CLSTN1: variants seen among roughly 807,000 people sequenced by gnomAD.
The protein encoded by CLSTN1 is calsyntenin 1.
In CLSTN1, 28 loss-of-function variants were observed where a neutral mutation model predicts 108.3. The observed-to-expected ratio is 0.26, with a 90% CI of 0.19 to 0.35. The LOEUF (loss-of-function observed/expected upper bound fraction) is 0.35. Among genes scored for constraint, CLSTN1 ranks in the 10% least tolerant of loss-of-function variants. The pLI is 1.00. For synonymous variants in CLSTN1, 524 were observed against 534.9 expected, an observed-to-expected ratio of 0.98 and a Z score of 0.28; for missense variants, 1,157 against 1,302.6, an observed-to-expected ratio of 0.89 and a Z score of 1.72.
At chr1:9,788,355 G>C (rs1413496546) in intron 1 of CLSTN1, among the ~76,000 whole-genome samples, 1 of 151,384 alleles carries the variant, frequency 6.6e-6, no homozygotes, top group Non-Finnish European at 1.5e-5. Context: ...TGGATCACCT[G>C]AGGTTGGGAG....
chr1:9,809,763 C>T (rs970587985), intron 1 of CLSTN1, among the ~76,000 whole-genome samples: 1 of 151,188 alleles, frequency 6.6e-6, no homozygotes, highest in Non-Finnish European at 1.5e-5. Flanking sequence ...CAGCCGGGCG[C>T]GGTGGTGGGT....
chr1:9,744,765 T>C, intron 7 of CLSTN1, 122 bp from the exon 8 acceptor site: 2 of 1,249,210 alleles, frequency 1.6e-6, no homozygotes, highest in Non-Finnish European at 2.1e-6. Flanking sequence ...ACTTTTTTTT[T>C]TTCTTTCGAG....
At chr1:9,817,351 G>A (rs1371278158) in intron 1 of CLSTN1, among the ~76,000 whole-genome samples, 1 of 152,108 alleles carries the variant, frequency 6.6e-6, no homozygotes, top group African/African-American at 2.4e-5. Context: ...TTTTGAGACG[G>A]AGTTTTGCTC....
intron 1 of CLSTN1, among the ~76,000 whole-genome samples, chr1:9,796,588 G>A (rs1460747111): frequency 1.3e-5 from 2 of 151,222 alleles, no homozygotes; most frequent in African/African-American, 4.8e-5. Context: ...GGAGGCTGAG[G>A]CAGGAGAATG....
chr1:9,768,737 T>C (rs1182388832), intron 2 of CLSTN1, among the ~76,000 whole-genome samples: 1 of 81,864 alleles, frequency 1.2e-5, no homozygotes, highest in African/African-American at 4.9e-5. Flanking sequence ...TGGGGTTGTG[T>C]TGGGTGGCAT....
At chr1:9,774,041 C>A (rs1365934933) in intron 1 of CLSTN1, among the ~76,000 whole-genome samples, 1 of 151,990 alleles carries the variant, frequency 6.6e-6, no homozygotes, top group Non-Finnish European at 1.5e-5. Flanking sequence ...GGCACCTGGC[C>A]CCAGTATTAT....
chr1:9,784,924 TCA>T (rs998990139), intron 1 of CLSTN1, among the ~76,000 whole-genome samples: 4 of 152,088 alleles, frequency 2.6e-5, no homozygotes, highest in East Asian at 1.9e-4. Flanking sequence ...GGTAAAATAT[TCA>T]CAGTTTTAAA....
At chr1:9,758,346 C>T (rs1651916858) in intron 2 of CLSTN1, among the ~76,000 whole-genome samples, 1 of 150,986 alleles carries the variant, frequency 6.6e-6, no homozygotes, top group Non-Finnish European at 1.5e-5. Flanking sequence ...CAGAGTCTCA[C>T]TCTGTTGCCC....
chr1:9,823,659 C>T lies in CLSTN1; in HGVS notation c.75G>A (p.Gly25=). The change falls in exon 1 of 19, where the codon GGG becomes GGA. Residue 25 remains glycine, a synonymous_variant. Coordinates refer to ENST00000377298, the MANE Select transcript of CLSTN1 (RefSeq NM_001009566.3). The surrounding 1 kb of genome is among the most constrained non-coding windows in gnomAD (Gnocchi z 6.3). ...LLLAGLLCGG[G]VWAARVNKHK... is the part of the protein sequence containing the mutation. ...GGGGCTTACCTCGCGCGGCCCAGAC[C>T]CCGCCGCCGCACAGCAGCCCGGCCA... 1 of 1,179,330 alleles carries T rather than the reference C, an allele frequency of 8.5e-7. No individual in the cohort carries two copies. The highest frequency in any genetic ancestry group is 3.7e-5 in the East Asian group (1 of 27,156). 73.1% of individuals were successfully genotyped at this position (1,179,330 alleles called of 1,614,324 possible).
chr1:9,812,383 G>A (rs1435374589), intron 1 of CLSTN1, among the ~76,000 whole-genome samples: 1 of 152,182 alleles, frequency 6.6e-6, no homozygotes, highest in African/African-American at 2.4e-5. Flanking sequence ...GCATTGGCCA[G>A]AGATGCAGCT....
chr1:9,816,536 TAAA>T (rs372892139), intron 1 of CLSTN1, among the ~76,000 whole-genome samples: 5 of 141,182 alleles, frequency 3.5e-5, no homozygotes, highest in Admixed American at 7.3e-5. Flanking sequence ...AAAGCTGCTT[TAAA>T]AAAAAAAAAA....
intron 1 of CLSTN1, among the ~76,000 whole-genome samples, chr1:9,800,567 A>G (rs1654217840): frequency 1.3e-5 from 2 of 149,040 alleles, no homozygotes; most frequent in South Asian, 2.1e-4. Context: ...GAAAAAAAAA[A>G]AAAAAAAAAA....
rs899673144 is a variant in CLSTN1, at chr1:9,730,292, C to T, written c.*216G>A. 15 of 597,332 alleles carry T rather than the reference C, an allele frequency of 2.5e-5. No homozygotes were observed. The highest frequency in any genetic ancestry group is 3.7e-5 in the African/African-American group (2 of 54,046). 37.0% of individuals were successfully genotyped at this position (597,332 alleles called of 1,614,324 possible). On this transcript the variant is annotated 3_prime_UTR_variant, in exon 19 of 19. Coordinates refer to ENST00000377298, the MANE Select transcript of CLSTN1 (RefSeq NM_001009566.3). The surrounding 1 kb of genome is among the most constrained non-coding windows in gnomAD (Gnocchi z 5.6). Reference sequence around the variant, plus strand: ...CGAGCCGGATGGCGGCCAGAGAGGACGTGTCAGCTCCTCGTGGGACTGAAG... The same window carrying T: ...CGAGCCGGATGGCGGCCAGAGAGGATGTGTCAGCTCCTCGTGGGACTGAAG...
chr1:9,776,862 TTATCTATCTATC>T (rs70998308), intron 1 of CLSTN1, among the ~76,000 whole-genome samples: 95 of 140,124 alleles, frequency 6.8e-4, no homozygotes, highest in South Asian at 2.3e-3. Flanking sequence ...CTATCAGCAT[TTATCTATCTATC>T]TATCTATCTA....
intron 1 of CLSTN1, among the ~76,000 whole-genome samples, chr1:9,779,060 T>C (rs1653113283): frequency 6.7e-6 from 1 of 149,132 alleles, no homozygotes; most frequent in Admixed American, 6.7e-5. Context: ...AGAAGAAGGC[T>C]GGCTATGGTA....
Position 9,730,905 on chromosome 1 carries a change from C to T in CLSTN1, c.2749-200G>A, listed in dbSNP as rs1650344422. Among the ~76,000 whole-genome samples the T allele has an allele frequency of 6.6e-6, 1 of 152,198 alleles. No homozygotes were observed. Among genetic ancestry groups the T allele is most frequent in the African/African-American group, 2.4e-5 (1 of 41,450 alleles). ...GCTCCAGTCAGCACCCACGGAGTCA[C>T]CCACATACAAAGCAGCTTGGGACAG... On this transcript the variant is annotated intron_variant, in intron 18 of 18. Transcript: ENST00000377298. This position sits in a 1 kb window ranked among gnomAD's most constrained non-coding sequence, Gnocchi z 5.6.
At chr1:9,741,641 G>C (rs1490464298) in intron 9 of CLSTN1, among the ~76,000 whole-genome samples, 1 of 152,240 alleles carries the variant, frequency 6.6e-6, no homozygotes, top group Non-Finnish European at 1.5e-5. Flanking sequence ...GCCGGGCGCA[G>C]TGGCTCAGGC....
intron 1 of CLSTN1, among the ~76,000 whole-genome samples, chr1:9,807,137 G>A (rs1654543239): frequency 6.6e-6 from 1 of 151,932 alleles, no homozygotes; most frequent in Admixed American, 6.6e-5. Context: ...TCCTCCAAGT[G>A]CACTCAAGCC....
chr1:9,747,584 C>T (rs1008179134), intron 7 of CLSTN1, among the ~76,000 whole-genome samples: 5 of 151,834 alleles, frequency 3.3e-5, no homozygotes, highest in Admixed American at 6.6e-5. Context: ...CTCACTGCAG[C>T]CTCCTGGGTT....
Sources: allele counts gnomAD v4.1 joint callset (sites outside exome capture counted in the v4.1 genomes callset), GRCh38; gene constraint gnomAD v4.1.1; non-coding constraint Gnocchi (gnomAD v3.1); transcripts MANE v1.5; gene names NCBI Gene and HGNC (gene_info 2026-07-23, HGNC 2026-07-21).